Variants in THADA observed in about 807,000 individuals in gnomAD.
The protein encoded by THADA is THADA armadillo repeat containing, also known as tRNA (32-2'-O)-methyltransferase regulator THADA.
In THADA, 213 loss-of-function variants were observed where a neutral mutation model predicts 219.8. The observed-to-expected ratio is 0.97, with a 90% CI of 0.87 to 1.09. The LOEUF (loss-of-function observed/expected upper bound fraction) is 1.09, where lower values mean the gene tolerates loss of function less well. Among genes scored for constraint, THADA ranks in the 50% least tolerant of loss-of-function variants. THADA has a pLI of 0.00. For synonymous variants in THADA, 1,018 were observed against 828.9 expected, an observed-to-expected ratio of 1.23 and a Z score of -3.92; for missense variants, 2,956 against 2,311.3, an observed-to-expected ratio of 1.28 and a Z score of -5.72.
chr2:43,445,083 G>A (rs1027614881), intron 26 of THADA, among the ~76,000 whole-genome samples: 15 of 152,020 alleles, frequency 9.9e-5, no homozygotes, highest in Non-Finnish European at 2.9e-5. Context: ...CCTAGATTCT[G>A]GCCTATAAAA....
At chr2:43,237,164 C>T (rs1364732344) in intron 36 of THADA, among the ~76,000 whole-genome samples, 4 of 151,166 alleles carry the variant, frequency 2.6e-5, no homozygotes, top group African/African-American at 9.7e-5. Context: ...GGGCAGATTA[C>T]ACAAATCAAC....
intron 28 of THADA, among the ~76,000 whole-genome samples, chr2:43,425,854 A>C (rs1400241868): frequency 6.6e-6 from 1 of 152,208 alleles, no homozygotes; most frequent in African/African-American, 2.4e-5. Flanking sequence ...AGGCAGTTAC[A>C]GAGCTACAAT....
intron 26 of THADA, among the ~76,000 whole-genome samples, chr2:43,447,665 C>T (rs369081479): frequency 1.3e-5 from 2 of 152,214 alleles, no homozygotes; most frequent in East Asian, 3.8e-4. Context: ...GGAAAAAGCA[C>T]TCAGGACACA....
intron 29 of THADA, among the ~76,000 whole-genome samples, chr2:43,354,399 T>C (rs1309220779): frequency 1.3e-5 from 2 of 152,086 alleles, no homozygotes; most frequent in Non-Finnish European, 2.9e-5. Flanking sequence ...TATTTTTAAA[T>C]GTACAATAAA....
chr2:43,594,074 A>T (rs1190826489), intron 1 of THADA, among the ~76,000 whole-genome samples: 1 of 152,166 alleles, frequency 6.6e-6, no homozygotes, highest in Non-Finnish European at 1.5e-5. Context: ...TTCCAACACC[A>T]GGAATATTCA....
At chr2:43,480,877 C>T (rs1194916560) in intron 26 of THADA, among the ~76,000 whole-genome samples, 3 of 151,540 alleles carry the variant, frequency 2.0e-5, no homozygotes, top group Non-Finnish European at 4.4e-5. Flanking sequence ...AAAGAAAATT[C>T]TGTTTTTCAA....
At chr2:43,425,693 G>A (rs1321024650) in intron 28 of THADA, among the ~76,000 whole-genome samples, 2 of 152,060 alleles carry the variant, frequency 1.3e-5, no homozygotes, top group Non-Finnish European at 2.9e-5. Context: ...TAACACACAT[G>A]GACAGTCAAT....
intron 26 of THADA, among the ~76,000 whole-genome samples, chr2:43,432,619 C>T (rs1273074818): frequency 6.6e-6 from 1 of 151,976 alleles, no homozygotes; most frequent in Non-Finnish European, 1.5e-5. Context: ...ATAATTATAC[C>T]ATTTTACACT....
At chr2:43,311,106 G>A (rs941556978) in intron 31 of THADA, among the ~76,000 whole-genome samples, 137 of 152,058 alleles carry the variant, frequency 9.0e-4, no homozygotes, top group African/African-American at 3.1e-3. Flanking sequence ...AAACCGGGAG[G>A]CGGAGGTTGC....
At chr2:43,498,241 G>C (rs1688510993) in intron 25 of THADA, among the ~76,000 whole-genome samples, 2 of 152,102 alleles carry the variant, frequency 1.3e-5, no homozygotes, top group South Asian at 4.2e-4. Context: ...TGAGAGATGG[G>C]AGTTAGTGTT....
chr2:43,585,572 ATAG>A (rs779879735), intron 7 of THADA, among the ~76,000 whole-genome samples: 3 of 143,978 alleles, frequency 2.1e-5, no homozygotes, highest in Non-Finnish European at 4.4e-5. Flanking sequence ...AGATAGATAG[ATAG>A]ATAGAAAGAA....
chr2:43,324,963 G>T (rs972185490), intron 30 of THADA, among the ~76,000 whole-genome samples: 1 of 152,208 alleles, frequency 6.6e-6, no homozygotes, highest in African/African-American at 2.4e-5. Flanking sequence ...GGAGGAGAAG[G>T]AATCCAGCAC....
Position 43,547,625 on chromosome 2 carries a change from A to C in THADA, c.3106+1585T>G, listed in dbSNP as rs529813538. ...CTTCATTTCATTCATTTCATCTTCC[A>C]TCACTGATACCCTTTCTTCCAGTGG... On this transcript the variant is annotated intron_variant, in intron 20 of 37. Transcript: ENST00000405975. 3.3e-5 allele frequency among the ~76,000 whole-genome samples: 5 copies of C among 152,124 alleles called. No individual in the cohort carries two copies. In the South Asian group the frequency reaches 1.0e-3, roughly 32 times the overall value.
intron 29 of THADA, chr2:43,372,142 C>T (rs935029455): frequency 1.3e-5 from 2 of 152,208 alleles, no homozygotes; most frequent in African/African-American, 4.8e-5. Flanking sequence ...TTTTAAACAT[C>T]AGTGGCAAAT....
chr2:43,543,677 TGAGAAG>T (rs1178413896), intron 20 of THADA, among the ~76,000 whole-genome samples: 1 of 152,244 alleles, frequency 6.6e-6, no homozygotes, highest in African/African-American at 2.4e-5. Flanking sequence ...TGTCTTCTTT[TGAGAAG>T]TTCTGTTCAT....
At chr2:43,407,843 T>C (rs1675764594) in intron 28 of THADA, among the ~76,000 whole-genome samples, 1 of 152,102 alleles carries the variant, frequency 6.6e-6, no homozygotes, top group South Asian at 2.1e-4. Context: ...GTTTTCACTC[T>C]AGATAGTCTA....
chr2:43,576,294 C>T (rs539973343), intron 10 of THADA, among the ~76,000 whole-genome samples: 26 of 152,222 alleles, frequency 1.7e-4, no homozygotes, highest in South Asian at 8.3e-4. Context: ...ATATATGTTT[C>T]GACATTTCAT....
rs1699468192 is a variant in THADA at position 43,572,994 on chromosome 2, T to C, written c.1730-2A>G. On this transcript the variant is annotated splice_acceptor_variant, in intron 11 of 37. Transcript: ENST00000405975. LOFTEE classifies it high-confidence loss of function. The stretch of plus-strand genomic sequence containing the variant: ...AGGATGGGAAAGATTGCTCTTGTCC[T>C]GAAAGCACAATAACAAAGACCATTA... 3 of 1,612,310 alleles carry C rather than the reference T, an allele frequency of 1.9e-6. No individual in the cohort carries two copies. Among genetic ancestry groups the C allele is most frequent in the South Asian group, 1.1e-5 (1 of 90,840 alleles).
At chr2:43,250,316 T>C (rs1572772686) in intron 36 of THADA, among the ~76,000 whole-genome samples, 2 of 152,232 alleles carry the variant, frequency 1.3e-5, no homozygotes, top group South Asian at 4.1e-4. Flanking sequence ...AAAGGTCATA[T>C]ATAAATCCAT....
Sources: gnomAD v4.1 joint callset for allele counts (sites outside exome capture counted in the v4.1 genomes callset) on GRCh38, gnomAD v4.1.1 for gene constraint, MANE v1.5 for transcripts, NCBI Gene and HGNC (gene_info 2026-07-23, HGNC 2026-07-21) for gene names.